Variants in PROSER2 observed in about 807,000 individuals in gnomAD.
The protein encoded by PROSER2 is proline and serine-rich protein 2.
A neutral mutation model predicts 14.6 loss-of-function variants in PROSER2; 18 were observed. That is an observed-to-expected ratio of 1.23 (90% CI 0.85 to 1.83). The LOEUF is 1.83. PROSER2 is among the 40% of genes most tolerant of loss of function. The pLI is 0.00. For missense variants in PROSER2, 823 were observed against 629.8 expected, an observed-to-expected ratio of 1.31 and a Z score of -3.28; for synonymous variants, 367 against 286.4, an observed-to-expected ratio of 1.28 and a Z score of -2.84.
Position 11,866,499 on chromosome 10 carries a change from T to G in PROSER2, c.139-32T>G. The G allele has an allele frequency of 6.2e-7, 1 of 1,608,226 alleles. No individual in the cohort carries two copies. Among genetic ancestry groups the G allele is most frequent in the Middle Eastern group, 1.7e-4 (1 of 6,036 alleles). On this transcript the variant is annotated intron_variant, in intron 2 of 3. Transcript: ENST00000277570. The surrounding 1 kb of genome is among the most constrained non-coding windows in gnomAD (Gnocchi z 6.0). The stretch of plus-strand genomic sequence containing the variant: ...TCTTTAGTGAAGCCAGTGTTTGTTT[T>G]CTCTCTTCTGTTCCCAATCCCTGTA...
chr10:11,848,137 GTTTGTTTTTGTTTTGT>G (rs1833952982), intron 1 of PROSER2, among the ~76,000 whole-genome samples: 1 of 151,676 alleles, frequency 6.6e-6, no homozygotes, highest in Non-Finnish European at 1.5e-5. Context: ...CCCCACTCTG[GTTTGTTTTTGTTTTGT>G]TTTGTTTTTG....
intron 1 of PROSER2, among the ~76,000 whole-genome samples, chr10:11,832,938 A>G (rs539197658): frequency 6.6e-6 from 1 of 152,058 alleles, no homozygotes; most frequent in Admixed American, 6.5e-5. Flanking sequence ...CACCTCCCAA[A>G]TTCAAGCAAT....
intron 1 of PROSER2, among the ~76,000 whole-genome samples, chr10:11,844,580 T>C (rs984314019): frequency 3.3e-5 from 5 of 152,238 alleles, no homozygotes; most frequent in Admixed American, 1.3e-4. Context: ...TGCTCAGTAA[T>C]ATACCTAGAG....
At chr10:11,841,297 T>A (rs1240431890) in intron 1 of PROSER2, among the ~76,000 whole-genome samples, 2 of 152,136 alleles carry the variant, frequency 1.3e-5, no homozygotes, top group African/African-American at 4.8e-5. Flanking sequence ...TACAGTTATG[T>A]CCCCACTTTT....
rs1833681901 is a variant in PROSER2 at position 11,830,915 on chromosome 10, T to C, written c.-82+7445T>C. ...GGGAGGAGAAGCAGCCTCTAGCTCC[T>C]GCCCAGAGAGGAGGTGGTTACTGGC... is the stretch of plus-strand genomic sequence containing the variant. On this transcript the variant is annotated intron_variant, in intron 1 of 3. Transcript: ENST00000277570. This position sits in a 1 kb window ranked among gnomAD's most constrained non-coding sequence, Gnocchi z 4.5. Among the ~76,000 whole-genome samples, 1 of 152,168 alleles carries C rather than the reference T, an allele frequency of 6.6e-6. No homozygotes were observed. Among genetic ancestry groups the C allele is most frequent in the Admixed American group, 6.5e-5 (1 of 15,276 alleles).
Position 11,823,386 on chromosome 10 carries a change from T to G in PROSER2, c.-166T>G, listed in dbSNP as rs1343395282. ...CGCGCGGCGGGGCGTCCCGGAACAG[T>G]CTGCGCCAGACGGGCGGCGGCGTGA... On this transcript the variant is annotated 5_prime_UTR_variant, in exon 1 of 4. Transcript: ENST00000277570. This position sits in a 1 kb window ranked among gnomAD's most constrained non-coding sequence, Gnocchi z 6.2. 1 of 151,950 alleles carries G rather than the reference T, an allele frequency of 6.6e-6. No homozygotes were observed. The highest frequency in any genetic ancestry group is 2.4e-5 in the African/African-American group (1 of 40,836). 9.4% of individuals were successfully genotyped at this position (151,950 alleles called of 1,614,324 possible). A position where few individuals can be genotyped will look rare whatever the true frequency, so the allele number is the denominator to read the frequency against.
intron 1 of PROSER2, among the ~76,000 whole-genome samples, chr10:11,832,992 G>A (rs905568547): frequency 2.6e-5 from 4 of 151,860 alleles, no homozygotes; most frequent in Non-Finnish European, 5.9e-5. Flanking sequence ...ACAGGCACAC[G>A]CCACCATGCC....
chr10:11,834,568 C>A (rs542346558), intron 1 of PROSER2, among the ~76,000 whole-genome samples: 3 of 151,558 alleles, frequency 2.0e-5, no homozygotes, highest in African/African-American at 7.3e-5. Flanking sequence ...AACCCCATCT[C>A]TACTAAAAAT....
chr10:11,858,514 A>G (rs1834166931), intron 2 of PROSER2, among the ~76,000 whole-genome samples: 1 of 152,168 alleles, frequency 6.6e-6, no homozygotes, highest in African/African-American at 2.4e-5. Context: ...TTTGTTCTCT[A>G]CGTGGGGGCT....
intron 2 of PROSER2, among the ~76,000 whole-genome samples, chr10:11,857,743 T>C (rs376111134): frequency 9.4e-6 from 1 of 106,556 alleles, no homozygotes; most frequent in Non-Finnish European, 1.8e-5. Context: ...AGACCCCATC[T>C]AAAAAAAAAA....
intron 1 of PROSER2, among the ~76,000 whole-genome samples, chr10:11,835,111 A>G (rs1833742495): frequency 1.1e-5 from 1 of 87,844 alleles, no homozygotes; most frequent in Non-Finnish European, 2.4e-5. Flanking sequence ...TGTCTTAAAA[A>G]AAAAAAAAAA....
chr10:11,833,299 T>A (rs1331117242), intron 1 of PROSER2, among the ~76,000 whole-genome samples: 5 of 125,574 alleles, frequency 4.0e-5, no homozygotes, highest in Non-Finnish European at 6.3e-5. Context: ...TAGTCCCAAC[T>A]CGGGAAGCTG....
chr10:11,852,093 C>T lies in PROSER2; in HGVS notation c.16C>T (p.Arg6Trp), dbSNP rs146045122. The change falls in exon 2 of 4, where the codon CGG (arginine) becomes TGG (tryptophan). Residue 6 changes from arginine (R) to tryptophan (W), a missense_variant. By Grantham distance (101) the Arg-to-Trp change is moderately radical. Coordinates refer to ENST00000277570, the MANE Select transcript of PROSER2 (RefSeq NM_153256.4). Reference sequence around the variant, plus strand: ...CTCTGTGGAGATGCCTGTAACCCACCGGAAATCAGACGCATCTGACATGAA... The same window carrying T: ...CTCTGTGGAGATGCCTGTAACCCACTGGAAATCAGACGCATCTGACATGAA... Reference protein sequence around the residue: MPVTHRKSDASDMNSD... With the variant: MPVTHWKSDASDMNSD... 6.2e-4 allele frequency: 996 copies of T among 1,611,782 alleles called. 5 individuals are homozygous for T. The Middle Eastern group carries it at 7.6e-3, about 12-fold the overall frequency.
rs1564316148 is a variant in PROSER2, at chr10:11,869,785, CGCCCGGGG to C, written c.692_699del (p.Arg231ProfsTer94). 1 of 1,555,654 alleles carries C rather than the reference CGCCCGGGG, an allele frequency of 6.4e-7. No individual in the cohort carries two copies. Among genetic ancestry groups the C allele is most frequent in the East Asian group, 2.4e-5 (1 of 42,312 alleles). Reference sequence around the variant, plus strand: ...GGCCCGGGGAGTGGAGGACACCTGCCGCCCGGGGGCCCCGCAGTGGAGACCCTGGCCCG... The same window carrying C: ...GGCCCGGGGAGTGGAGGACACCTGCCGCCCCGCAGTGGAGACCCTGGCCCG... On this transcript the variant is annotated frameshift_variant, in exon 4 of 4. Transcript: ENST00000277570. LOFTEE classifies it low-confidence loss of function (END_TRUNC). This position sits in a 1 kb window ranked among gnomAD's most constrained non-coding sequence, Gnocchi z 4.4.
intron 1 of PROSER2, among the ~76,000 whole-genome samples, chr10:11,849,123 G>C (rs1018721458): frequency 1.3e-5 from 2 of 152,062 alleles, no homozygotes; most frequent in African/African-American, 4.8e-5. Context: ...GGAGGCGGAG[G>C]TTGCGGTAAG....
intron 2 of PROSER2, among the ~76,000 whole-genome samples, chr10:11,855,776 TA>T: frequency 6.6e-6 from 1 of 152,146 alleles, no homozygotes; most frequent in Non-Finnish European, 1.5e-5. Flanking sequence ...AACAAATACA[TA>T]AATTCTAGAA....
chr10:11,867,294 A>C (rs867482846), intron 3 of PROSER2, among the ~76,000 whole-genome samples: 74 of 149,678 alleles, frequency 4.9e-4, no homozygotes, highest in Admixed American at 2.5e-3. Flanking sequence ...AAAAGAATGA[A>C]CTGGGCACAT....
chr10:11,835,616 A>G (rs1465907769), intron 1 of PROSER2, among the ~76,000 whole-genome samples: 1 of 152,232 alleles, frequency 6.6e-6, no homozygotes, highest in Non-Finnish European at 1.5e-5. Flanking sequence ...TTCCTTTTCC[A>G]GTACATTTCT....
At chr10:11,849,825 C>T (rs1330619485) in intron 1 of PROSER2, 1 of 152,364 alleles carries the variant, frequency 6.6e-6, no homozygotes, top group Non-Finnish European at 1.5e-5. Context: ...TAATCCCCAG[C>T]ATGGCCATGT....
Sources: gnomAD v4.1 joint callset for allele counts (sites outside exome capture counted in the v4.1 genomes callset) on GRCh38, gnomAD v4.1.1 for gene constraint, Gnocchi (gnomAD v3.1) non-coding constraint, MANE v1.5 for transcripts, NCBI Gene and HGNC (gene_info 2026-07-23, HGNC 2026-07-21) for gene names.